Variants in CDK5RAP1 observed in about 807,000 individuals in gnomAD.
The protein encoded by CDK5RAP1 is CDK5RAP1 mitochondrial tRNA methylthiotransferase, also known as mitochondrial tRNA methylthiotransferase CDK5RAP1.
In CDK5RAP1, 62 loss-of-function variants were observed where a neutral mutation model predicts 64.5. The observed-to-expected ratio is 0.96, with a 90% CI of 0.78 to 1.19. CDK5RAP1 has a LOEUF of 1.19. Ranked by LOEUF, CDK5RAP1 falls within the 50% of genes most tolerant of loss-of-function variation. The pLI is 0.00. For synonymous variants in CDK5RAP1, 250 were observed against 261.9 expected (o/e 0.95, Z 0.44); for missense variants, 657 against 735.0 (o/e 0.89, Z 1.23).
intron 5 of CDK5RAP1, among the ~76,000 whole-genome samples, chr20:33,389,191 C>G (rs1400355147): frequency 1.3e-5 from 2 of 151,952 alleles, no homozygotes; most frequent in Non-Finnish European, 2.9e-5. Flanking sequence ...GCGTCTCTGC[C>G]CGGCCACCCA....
In CDK5RAP1 at chr20:33,387,338, G is replaced by A. The variant is rs1339479792; in HGVS notation, c.740C>T (p.Ala247Val). ...DVMPVQTSAS[A>V]TSAFVSIMRG... ...AGTGACTCACACAAAGGCAGACGTG[G>A]CACTGGCGCTTGTCTGGACTGGCAT... Residue 247 changes from alanine to valine, a missense_variant, in exon 6 of 14, where the codon GCC (alanine) becomes GTC (valine). Coordinates refer to ENST00000346416, the MANE Select transcript of CDK5RAP1 (RefSeq NM_016408.4). 3 of 1,613,292 alleles carry A rather than the reference G, an allele frequency of 1.9e-6. No homozygotes were observed. The highest frequency in any genetic ancestry group is 1.7e-5 in the Admixed American group (1 of 59,968).
At chr20:33,393,563 A>G (rs530324570) in intron 4 of CDK5RAP1, among the ~76,000 whole-genome samples, 7 of 152,242 alleles carry the variant, frequency 4.6e-5, no homozygotes, top group African/African-American at 1.4e-4. Context: ...ATAGGGAAAC[A>G]TTAACACTAG....
intron 7 of CDK5RAP1, 33 bp from the exon 8 acceptor site, chr20:33,379,724 AC>A (rs1986505348): frequency 6.8e-7 from 1 of 1,471,972 alleles, no homozygotes; most frequent in African/African-American, 1.4e-5. Flanking sequence ...GAATTTTAAA[AC>A]TTTTGGGTAG....
At chr20:33,371,136 T>C (rs4911330) in intron 10 of CDK5RAP1, among the ~76,000 whole-genome samples, 4,909 of 151,396 alleles carry the variant, frequency 0.032, 300 homozygotes, top group Admixed American at 0.15. Context: ...CTACAAAAAA[T>C]ACAAAAATTG....
At chr20:33,368,459 A>ATTTTTTTT (rs35954744) in intron 11 of CDK5RAP1, among the ~76,000 whole-genome samples, 6 of 67,606 alleles carry the variant, frequency 8.9e-5, no homozygotes, top group African/African-American at 1.2e-4. Flanking sequence ...CTCTCGGCTA[A>ATTTTTTTT]TTTTTTTTTT....
chr20:33,400,646 C>A (rs1262544429), intron 1 of CDK5RAP1, among the ~76,000 whole-genome samples: 1 of 152,120 alleles, frequency 6.6e-6, no homozygotes, highest in Non-Finnish European at 1.5e-5. Flanking sequence ...AGAGTATGAA[C>A]TCCACTAAAA....
At chr20:33,392,343 T>G (rs781613602) in intron 4 of CDK5RAP1, 101 bp from the exon 5 acceptor site, 8 of 585,474 alleles carry the variant, frequency 1.4e-5, no homozygotes, top group South Asian at 1.2e-4. Flanking sequence ...CTTCAACCCT[T>G]TAAATCAAGC....
At chr20:33,391,134 G>C (rs1017748075) in intron 5 of CDK5RAP1, among the ~76,000 whole-genome samples, 11 of 151,556 alleles carry the variant, frequency 7.3e-5, no homozygotes, top group African/African-American at 2.7e-4. Flanking sequence ...CACACCTGTA[G>C]ACCTAGCTAC....
At chr20:33,363,499 C>A (rs1159435655) in intron 12 of CDK5RAP1, among the ~76,000 whole-genome samples, 1 of 152,064 alleles carries the variant, frequency 6.6e-6, no homozygotes, top group Non-Finnish European at 1.5e-5. Context: ...GACATCAGGG[C>A]AGCAACTTAC....
chr20:33,378,958 C>CT (rs1276427585), intron 8 of CDK5RAP1, among the ~76,000 whole-genome samples: 2 of 152,106 alleles, frequency 1.3e-5, no homozygotes, highest in African/African-American at 2.4e-5. Context: ...CCTTGGCAGA[C>CT]TTTTTTTTCG....
intron 12 of CDK5RAP1, among the ~76,000 whole-genome samples, chr20:33,361,404 AC>A (rs1337517941): frequency 2.0e-5 from 3 of 152,228 alleles, no homozygotes; most frequent in Non-Finnish European, 4.4e-5. Flanking sequence ...TTCACTGAAC[AC>A]TAACACTTGC....
chr20:33,393,968 C>T (rs998712013), intron 4 of CDK5RAP1, 64 bp downstream of exon 4: 2 of 1,162,980 alleles, frequency 1.7e-6, no homozygotes, highest in East Asian at 4.7e-5. Context: ...CCAGGCCAGG[C>T]ACTGTTAGCT....
intron 9 of CDK5RAP1, chr20:33,372,909 T>A: frequency 6.2e-6 from 2 of 322,818 alleles, no homozygotes; most frequent in Non-Finnish European, 1.1e-5. Flanking sequence ...TTTAAGGACA[T>A]AAACTTTTTT....
chr20:33,389,654 T>G (rs1470032767), intron 5 of CDK5RAP1, among the ~76,000 whole-genome samples: 1 of 142,406 alleles, frequency 7.0e-6, no homozygotes, highest in Admixed American at 6.9e-5. Context: ...CGGCCACCCC[T>G]TCTGGGAAGT....
chr20:33,396,733 C>T, intron 2 of CDK5RAP1, 28 bp downstream of exon 2: 1 of 1,551,858 alleles, frequency 6.4e-7, no homozygotes, highest in South Asian at 1.2e-5. Context: ...GGCAGGAAGC[C>T]CAAAGGGATA....
chr20:33,393,034 C>A (rs1206258110), intron 4 of CDK5RAP1, among the ~76,000 whole-genome samples: 1 of 152,046 alleles, frequency 6.6e-6, no homozygotes, highest in Non-Finnish European at 1.5e-5. Flanking sequence ...CGTGCACCAC[C>A]ACGCCTGGCT....
Position 33,361,512 on chromosome 20 carries a change from C to G in CDK5RAP1, c.1543-1021G>C, listed in dbSNP as rs570295001. 9.8e-4 allele frequency among the ~76,000 whole-genome samples: 149 copies of G among 152,240 alleles called. 2 individuals are homozygous for G. The highest frequency in any genetic ancestry group is 8.7e-4 in the Non-Finnish European group (59 of 68,024). ...GAACTCACATGTGGCCTGGAATCCACTACCAAATAGAAGAGTTTATGGATT... is the reference window on the plus strand; with the variant it reads ...GAACTCACATGTGGCCTGGAATCCAGTACCAAATAGAAGAGTTTATGGATT... On this transcript the variant is annotated intron_variant, in intron 12 of 13. Transcript: ENST00000346416.
intron 8 of CDK5RAP1, among the ~76,000 whole-genome samples, chr20:33,375,989 C>G (rs1985940797): frequency 6.6e-6 from 1 of 152,168 alleles, no homozygotes; most frequent in East Asian, 1.9e-4. Context: ...TCCCAAGTAA[C>G]TACGACTACA....
chr20:33,371,215 C>T (rs1984961344), intron 10 of CDK5RAP1, among the ~76,000 whole-genome samples: 1 of 152,100 alleles, frequency 6.6e-6, no homozygotes, highest in Non-Finnish European at 1.5e-5. Flanking sequence ...ATCACCTGAG[C>T]CCAGGGAGGT....
Sources: gnomAD v4.1 joint callset for allele counts (sites outside exome capture counted in the v4.1 genomes callset) on GRCh38, gnomAD v4.1.1 for gene constraint, MANE v1.5 for transcripts, NCBI Gene and HGNC (gene_info 2026-07-23, HGNC 2026-07-21) for gene names.